Variants in ALOX15B observed in about 807,000 individuals in gnomAD.
The protein encoded by ALOX15B is polyunsaturated fatty acid lipoxygenase ALOX15B.
ALOX15B carries 74 observed loss-of-function variants against 73.8 expected under a neutral mutation model. That is an observed-to-expected ratio of 1.00 (90% CI 0.83 to 1.22). ALOX15B has a LOEUF of 1.22. ALOX15B is among the 50% of genes most tolerant of loss of function. The probability of loss-of-function intolerance (pLI) is 0.00; values close to 1 mark genes in which losing one functional copy is unlikely to be tolerated. For synonymous variants in ALOX15B, 353 were observed against 357.2 expected, an observed-to-expected ratio of 0.99 and a Z score of 0.13; for missense variants, 896 against 859.9, an observed-to-expected ratio of 1.04 and a Z score of -0.52.
In ALOX15B at chr17:8,047,061, G is replaced by A; in HGVS notation, c.1442G>A (p.Trp481Ter). 1 of 1,613,716 alleles carries A rather than the reference G, an allele frequency of 6.2e-7. No homozygotes were observed. The highest frequency in any genetic ancestry group is 8.5e-7 in the Non-Finnish European group (1 of 1,180,004). ...TACCGTGATGATGGGATGCAGATCT[G>A]GGGTGCAGTGGAACGGTGAGGGGCC... ...YYYRDDGMQI[W>*]GAVERFVSEI... The change falls in exon 10 of 14, where the codon TGG becomes TAG. Residue 481 changes from tryptophan (W) to a stop codon, truncating the protein, a stop_gained. Transcript: ENST00000380183. LOFTEE classifies it high-confidence loss of function.
At chr17:8,044,776 C>A in intron 5 of ALOX15B, 53 bp from the exon 6 acceptor site, 1 of 1,325,080 alleles carries the variant, frequency 7.5e-7, no homozygotes, top group East Asian at 2.7e-5. Flanking sequence ...CCCCCACCCC[C>A]TGCAAAGCAC....
At position 8,039,211 on chromosome 17, in the gene ALOX15B, G is replaced by A. The variant is rs777404728; in HGVS notation, c.56G>A (p.Trp19Ter). The change falls in exon 1 of 14, where the codon TGG becomes TAG. Residue 19 changes from tryptophan to a stop codon, truncating the protein, a stop_gained. Coordinates refer to ENST00000380183, the MANE Select transcript of ALOX15B (RefSeq NM_001141.3). LOFTEE classifies it high-confidence loss of function. The part of the protein sequence containing the change: ...STGEAFGAGT[W>*]DKVSVSIVGT... ...GGAGAAGCCTTCGGGGCTGGCACATGGGACAAAGTGTCTGTCAGCATCGTG... is the reference window on the plus strand; with the variant it reads ...GGAGAAGCCTTCGGGGCTGGCACATAGGACAAAGTGTCTGTCAGCATCGTG... The A allele has an allele frequency of 1.2e-6, 2 of 1,612,182 alleles. No homozygotes were observed. The highest frequency in any genetic ancestry group is 3.4e-5 in the Admixed American group (2 of 59,662).
intron 9 of ALOX15B, 32 bp from the exon 10 acceptor site, chr17:8,046,875 G>C: frequency 6.2e-7 from 1 of 1,613,036 alleles, no homozygotes; most frequent in Non-Finnish European, 8.5e-7. Context: ...TCTGGAGCAA[G>C]GTCTGTAGGA....
At chr17:8,039,659 A>C in intron 2 of ALOX15B, 54 bp downstream of exon 2, 3 of 1,133,044 alleles carry the variant, frequency 2.6e-6, no homozygotes, top group East Asian at 2.6e-5. Context: ...GGGGTAGGGG[A>C]CTGGGGGTTG....
At chr17:8,044,649 T>A (rs1017315150) in intron 5 of ALOX15B, among the ~76,000 whole-genome samples, 180 bp from the exon 6 acceptor site, 5 of 151,906 alleles carry the variant, frequency 3.3e-5, no homozygotes, top group Non-Finnish European at 7.4e-5. Flanking sequence ...GGACTATGAT[T>A]TGCTGCTGGG....
chr17:8,044,973 C>T lies in ALOX15B; in HGVS notation c.821C>T (p.Pro274Leu), dbSNP rs2151813892. 6.2e-7 allele frequency: 1 copy of T among 1,614,114 alleles called. No homozygotes were observed. Among genetic ancestry groups the T allele is most frequent in the South Asian group, 1.1e-5 (1 of 91,074 alleles). ...TDAMVASVLG[P>L]GTSLQAELEK... ...GCCATGGTGGCCTCAGTGTTGGGTC[C>T]TGGGACCAGCTTGCAGGCTGAGCTA... Residue 274 changes from proline (P) to leucine (L), a missense_variant, in exon 6 of 14, where the codon CCT becomes CTT. Pro to Leu is a moderately conservative substitution (Grantham distance 98, BLOSUM62 -3). Transcript: ENST00000380183.
At chr17:8,042,300 A>C in intron 3 of ALOX15B, 69 bp from the exon 4 acceptor site, 1 of 1,578,794 alleles carries the variant, frequency 6.3e-7, no homozygotes, top group Non-Finnish European at 8.6e-7. Flanking sequence ...GGGGACTGCC[A>C]CTCCATCTGC....
chr17:8,041,985 G>A (rs558170517), intron 3 of ALOX15B, among the ~76,000 whole-genome samples: 6 of 152,230 alleles, frequency 3.9e-5, no homozygotes, highest in Non-Finnish European at 8.8e-5. Context: ...CAGAAACACA[G>A]GCAGGAATTG....
chr17:8,048,517 C>G lies in ALOX15B; in HGVS notation c.1983C>G (p.Pro661=), dbSNP rs1192357981. Reference sequence around the variant, plus strand: ...AGCGGAACCAGGGCCTGGTGCTGCCCTACACCTACCTAGACCCTCCCCTCA... The same window carrying G: ...AGCGGAACCAGGGCCTGGTGCTGCCGTACACCTACCTAGACCCTCCCCTCA... The part of the protein sequence containing the change: ...IQERNQGLVL[P]YTYLDPPLIE... Residue 661 remains proline, a synonymous_variant, in exon 14 of 14, where the codon CCC becomes CCG. Transcript: ENST00000380183. The G allele has an allele frequency of 3.7e-6, 6 of 1,614,160 alleles. No individual in the cohort carries two copies. The highest frequency in any genetic ancestry group is 4.2e-6 in the Non-Finnish European group (5 of 1,180,012).
Position 8,048,610 on chromosome 17 carries a change from C to G in ALOX15B, c.*45C>G, listed in dbSNP as rs143875273. The G allele has an allele frequency of 6.3e-7, 1 of 1,577,310 alleles. No homozygotes were observed. Among genetic ancestry groups the G allele is most frequent in the African/African-American group, 1.4e-5 (1 of 73,728 alleles). On this transcript the variant is annotated 3_prime_UTR_variant, in exon 14 of 14. Coordinates refer to ENST00000380183, the MANE Select transcript of ALOX15B (RefSeq NM_001141.3). The stretch of plus-strand genomic sequence containing the variant: ...CCAGATGACATCCCTTTGACCACAT[C>G]GCTCTAGGATAACTGGCACCCAGAG...
At chr17:8,047,516 G>C in intron 11 of ALOX15B, 48 bp from the exon 12 acceptor site, 1 of 1,570,928 alleles carries the variant, frequency 6.4e-7, no homozygotes, top group African/African-American at 1.4e-5. Context: ...TCCGCAGCAG[G>C]GTCCTCAGGT....
chr17:8,044,089 G>A (rs1380681029), intron 5 of ALOX15B, among the ~76,000 whole-genome samples: 1 of 118,472 alleles, frequency 8.4e-6, no homozygotes, highest in Non-Finnish European at 1.8e-5. Flanking sequence ...GGTGGGGAGT[G>A]GGGGAGAGAG....
rs1374015231 is a variant in ALOX15B, at chr17:8,039,125, C to T, written c.-31C>T. On this transcript the variant is annotated 5_prime_UTR_variant, in exon 1 of 14. Transcript: ENST00000380183. The stretch of plus-strand genomic sequence containing the variant: ...GGGAGCCCCGCTCTGCAGCCCTGTG[C>T]GCCGTAGAGAGCTGGACTTAGGCTG... 1.9e-6 allele frequency: 3 copies of T among 1,604,690 alleles called. No homozygotes were observed. The African/African-American group carries it at 4.0e-5, about 22-fold the overall frequency.
intron 5 of ALOX15B, among the ~76,000 whole-genome samples, chr17:8,043,423 G>A (rs1052194116): frequency 2.6e-5 from 4 of 152,220 alleles, no homozygotes. Flanking sequence ...GCCACCTTTG[G>A]AGGAAAGAAA....
intron 5 of ALOX15B, among the ~76,000 whole-genome samples, chr17:8,043,754 G>C (rs2151813183): frequency 6.6e-6 from 1 of 152,212 alleles, no homozygotes; most frequent in African/African-American, 2.4e-5. Flanking sequence ...TTTGATATGT[G>C]AGGGGTACTG....
chr17:8,039,378 C>A lies in ALOX15B; in HGVS notation c.148-8C>A. 1.2e-6 allele frequency: 2 copies of A among 1,611,500 alleles called. No homozygotes were observed. Among genetic ancestry groups the A allele is most frequent in the African/African-American group, 1.3e-5 (1 of 75,048 alleles). On this transcript the variant is annotated splice_region_variant and splice_polypyrimidine_tract_variant and intron_variant, in intron 1 of 13. Transcript: ENST00000380183. ...GTCCGGCCTGACGCATACTTAACCT[C>A]CCCTCAGGAGGAGGACTTCCAGGTG...
At position 8,042,819 on chromosome 17, in the gene ALOX15B, A is replaced by G; in HGVS notation, c.611A>G (p.Lys204Arg). 2.6e-6 allele frequency: 4 copies of G among 1,560,138 alleles called. No individual in the cohort carries two copies. Among genetic ancestry groups the G allele is most frequent in the Non-Finnish European group, 3.5e-6 (4 of 1,151,770 alleles). Reference sequence around the variant, plus strand: ...AAAATCAAGGGGTTGCTGGACCGCAAGGGGCTCTGGAGGAGTCTGAATGAG... The same window carrying G: ...AAAATCAAGGGGTTGCTGGACCGCAGGGGGCTCTGGAGGAGTCTGAATGAG... ...EMKIKGLLDR[K>R]GLWRSLNEMK... Residue 204 changes from lysine (K) to arginine (R), a missense_variant, in exon 5 of 14, where the codon AAG becomes AGG. Lys to Arg is a conservative substitution (Grantham distance 26). Transcript: ENST00000380183.
intron 3 of ALOX15B, among the ~76,000 whole-genome samples, chr17:8,041,954 G>A (rs888030063): frequency 3.3e-5 from 5 of 152,154 alleles, no homozygotes; most frequent in Admixed American, 6.5e-5. Context: ...AAAGTTTGTC[G>A]GCCAGACACA....
Position 8,039,293 on chromosome 17 carries a change from T to C in ALOX15B, c.138T>C (p.Thr46=). 1.9e-6 allele frequency: 3 copies of C among 1,586,150 alleles called. No individual in the cohort carries two copies. Among genetic ancestry groups the C allele is most frequent in the Admixed American group, 1.7e-5 (1 of 58,008 alleles). Reference sequence around the variant, plus strand: ...TGGACAATCTCGGCAAGGAGTTCACTGCGGGCGCTGTGAGTGCGTGGGAGT... The same window carrying C: ...TGGACAATCTCGGCAAGGAGTTCACCGCGGGCGCTGTGAGTGCGTGGGAGT... ...LPLDNLGKEF[T]AGAEEDFQVT... is the part of the protein sequence containing the mutation. The change falls in exon 1 of 14, where the codon ACT becomes ACC. Residue 46 remains threonine, a synonymous_variant. Transcript: ENST00000380183.
Sources: allele counts gnomAD v4.1 joint callset (sites outside exome capture counted in the v4.1 genomes callset), GRCh38; gene constraint gnomAD v4.1.1; transcripts MANE v1.5; gene names NCBI Gene and HGNC (gene_info 2026-07-23, HGNC 2026-07-21).